The following LRP2 variants were observed in gnomAD, a reference collection of about 807,000 sequenced individuals.
LRP2 encodes low-density lipoprotein receptor-related protein 2.
Under a neutral mutation model 531.0 loss-of-function variants are expected in LRP2, and 172 were observed. The observed-to-expected ratio is 0.32, with a 90% confidence interval of 0.29 to 0.37. The LOEUF is 0.37. Ranked by LOEUF, LRP2 falls within the 10% of genes least tolerant of loss-of-function variation. LRP2 has a pLI of 1.00. For missense variants in LRP2, 5,167 were observed against 5,868.3 expected (o/e 0.88, Z 3.90); for synonymous variants, 1,992 against 2,027.6 (o/e 0.98, Z 0.47).
intron 52 of LRP2, among the ~76,000 whole-genome samples, chr2:169,178,963 AC>A (rs1354436419): frequency 1.3e-5 from 2 of 152,038 alleles, no homozygotes; most frequent in Non-Finnish European, 2.9e-5. Flanking sequence ...CAGGTAAATG[AC>A]CAGAAATTAG....
intron 41 of LRP2, 141 bp from the exon 42 acceptor site, chr2:169,204,412 A>G: frequency 2.5e-6 from 2 of 790,718 alleles, no homozygotes; most frequent in Non-Finnish European, 4.3e-6. Flanking sequence ...GCAGCTGGAA[A>G]TGTTTCTTCT....
At chr2:169,254,881 G>A (rs930759444) in intron 19 of LRP2, among the ~76,000 whole-genome samples, 8 of 151,944 alleles carry the variant, frequency 5.3e-5, no homozygotes, top group African/African-American at 9.7e-5. Context: ...TTAGTGAAAA[G>A]GGAGTAAATG....
intron 3 of LRP2, among the ~76,000 whole-genome samples, chr2:169,310,428 CA>C (rs1252887541): frequency 6.6e-6 from 1 of 152,132 alleles, no homozygotes; most frequent in Non-Finnish European, 1.5e-5. Context: ...TGAATTTTGT[CA>C]AAGGCCTTTT....
At chr2:169,262,527 C>G (rs1239768581) in intron 16 of LRP2, among the ~76,000 whole-genome samples, 7 of 147,894 alleles carry the variant, frequency 4.7e-5, no homozygotes, top group Non-Finnish European at 7.5e-5. Context: ...ACCTAGGAAT[C>G]CAACTTACAA....
chr2:169,240,320 T>C (rs1689758899), intron 25 of LRP2, among the ~76,000 whole-genome samples: 1 of 152,236 alleles, frequency 6.6e-6, no homozygotes, highest in Non-Finnish European at 1.5e-5. Flanking sequence ...AAAGCCACCC[T>C]AAGACAGTTC....
In LRP2 at chr2:169,288,076, A is replaced by G. The variant is rs190387086; in HGVS notation, c.1042+950T>C. On this transcript the variant is annotated intron_variant, in intron 9 of 78. Coordinates refer to ENST00000649046, the MANE Select transcript of LRP2 (RefSeq NM_004525.3). ...TACCAAATTTTAATGAATAGTTTCA[A>G]TTGCCTTCCAGATGCCTTTTCCCAA... Among the ~76,000 whole-genome samples, 398 of 152,248 alleles carry G rather than the reference A, an allele frequency of 2.6e-3. 1 individual carries two copies. Among genetic ancestry groups the G allele is most frequent in the Non-Finnish European group, 3.3e-3 (225 of 68,000 alleles).
intron 4 of LRP2, among the ~76,000 whole-genome samples, chr2:169,306,299 C>T (rs1207722966): frequency 1.3e-5 from 2 of 151,890 alleles, no homozygotes; most frequent in African/African-American, 2.4e-5. Flanking sequence ...TTTGGGAGGC[C>T]GAGGCGGGTG....
intron 34 of LRP2, among the ~76,000 whole-genome samples, 182 bp from the exon 35 acceptor site, chr2:169,216,612 G>A (rs1688806227): frequency 6.6e-6 from 1 of 152,152 alleles, no homozygotes; most frequent in African/African-American, 2.4e-5. Flanking sequence ...ACCAATGTCG[G>A]TATATTTCCT....
intron 10 of LRP2, among the ~76,000 whole-genome samples, chr2:169,281,250 T>G (rs892106497): frequency 7.9e-5 from 12 of 152,056 alleles, no homozygotes; most frequent in Non-Finnish European, 1.2e-4. Flanking sequence ...GGGGAAACCC[T>G]GTTTCTACCA....
intron 1 of LRP2, among the ~76,000 whole-genome samples, chr2:169,323,070 A>T (rs1384690835): frequency 6.6e-6 from 1 of 152,186 alleles, no homozygotes; most frequent in African/African-American, 2.4e-5. Flanking sequence ...TCATTTTATA[A>T]AACACTTCAA....
intron 10 of LRP2, among the ~76,000 whole-genome samples, chr2:169,282,187 T>C (rs1683721628): frequency 6.6e-6 from 1 of 152,202 alleles, no homozygotes; most frequent in Non-Finnish European, 1.5e-5. Context: ...ATGGGAGCAG[T>C]TAAGTTTCAG....
chr2:169,302,806 A>G (rs967610719), intron 4 of LRP2, among the ~76,000 whole-genome samples: 2 of 152,074 alleles, frequency 1.3e-5, no homozygotes, highest in African/African-American at 2.4e-5. Context: ...AACCCCATAA[A>G]TTGAAAGGCT....
intron 9 of LRP2, among the ~76,000 whole-genome samples, chr2:169,287,432 A>G (rs933657284): frequency 5.3e-5 from 8 of 152,196 alleles, no homozygotes; most frequent in Non-Finnish European, 1.0e-4. Context: ...ACAGTTACCC[A>G]CTATGAACAC....
chr2:169,173,548 G>A (rs1687078375), intron 56 of LRP2, among the ~76,000 whole-genome samples: 1 of 152,164 alleles, frequency 6.6e-6, no homozygotes, highest in Admixed American at 6.5e-5. Context: ...TCCACTTAAT[G>A]TGAACCTCAG....
At position 169,138,676 on chromosome 2, in the gene LRP2, A is replaced by G. The variant is rs1180913728; in HGVS notation, c.13419T>C (p.Asn4473=). ...SLSSLVKPSE[N]GNGVTFRSGA... The stretch of plus-strand genomic sequence containing the variant: ...CTGATCTGAAGGTCACCCCATTCCC[A>G]TTTTCAGAGGGCTTGACGAGACTGC... Residue 4473 remains asparagine, a synonymous_variant, in exon 75 of 79, where the codon AAT becomes AAC. Coordinates refer to ENST00000649046, the MANE Select transcript of LRP2 (RefSeq NM_004525.3). 2.5e-6 allele frequency: 4 copies of G among 1,613,982 alleles called. No individual in the cohort carries two copies. Among genetic ancestry groups the G allele is most frequent in the Non-Finnish European group, 3.4e-6 (4 of 1,179,926 alleles).
chr2:169,194,112 A>T (rs1687923561), intron 46 of LRP2, among the ~76,000 whole-genome samples: 1 of 152,226 alleles, frequency 6.6e-6, no homozygotes, highest in Non-Finnish European at 1.5e-5. Context: ...ATCTTTGGTG[A>T]CTAAAATGAG....
At chr2:169,338,492 T>C (rs756385773) in intron 1 of LRP2, among the ~76,000 whole-genome samples, 3 of 152,086 alleles carry the variant, frequency 2.0e-5, no homozygotes, top group Non-Finnish European at 4.4e-5. Context: ...CAAGACAATA[T>C]GCATTCCAGA....
At chr2:169,237,960 T>C in intron 27 of LRP2, 131 bp downstream of exon 27, 1 of 768,058 alleles carries the variant, frequency 1.3e-6, no homozygotes, top group Admixed American at 2.0e-5. Context: ...GTCTCTTGGG[T>C]ATGATGTGGC....
At chr2:169,354,341 G>A (rs966689862) in intron 1 of LRP2, among the ~76,000 whole-genome samples, 11 of 152,180 alleles carry the variant, frequency 7.2e-5, no homozygotes, top group African/African-American at 2.7e-4. Flanking sequence ...ATTTAAAGGA[G>A]ACCTTGGATA....
Sources: allele counts gnomAD v4.1 joint callset (sites outside exome capture counted in the v4.1 genomes callset), GRCh38; gene constraint gnomAD v4.1.1; transcripts MANE v1.5; gene names NCBI Gene and HGNC (gene_info 2026-07-23, HGNC 2026-07-21).